Variants in CABCOCO1 observed in about 807,000 individuals in gnomAD.
CABCOCO1 encodes the protein ciliary associated calcium binding coiled-coil 1, also known as ciliary-associated calcium-binding coiled-coil protein 1.
In CABCOCO1, 28 loss-of-function variants were observed where a neutral mutation model predicts 35.7. That is an observed-to-expected ratio of 0.78 (90% confidence interval 0.58 to 1.07). CABCOCO1 has a LOEUF of 1.07. Among genes scored for constraint, CABCOCO1 ranks in the 50% least tolerant of loss-of-function variants. The pLI, the probability that CABCOCO1 is intolerant of heterozygous loss-of-function variation, is 0.00. For synonymous variants in CABCOCO1, 95 were observed against 100.1 expected (o/e 0.95, Z 0.30); for missense variants, 326 against 309.2 (o/e 1.05, Z -0.41).
At chr10:61,721,485 T>G (rs943626973) in intron 5 of CABCOCO1, among the ~76,000 whole-genome samples, 25 of 152,132 alleles carry the variant, frequency 1.6e-4, no homozygotes, top group African/African-American at 5.6e-4. Context: ...GCAGCAAATC[T>G]AACCTTTCCT....
intron 2 of CABCOCO1, among the ~76,000 whole-genome samples, chr10:61,673,334 C>T (rs1364581836): frequency 6.6e-6 from 1 of 152,158 alleles, no homozygotes; most frequent in Non-Finnish European, 1.5e-5. Flanking sequence ...TTGTCAGATA[C>T]ATCCAACAAC....
intron 5 of CABCOCO1, among the ~76,000 whole-genome samples, chr10:61,756,617 G>A (rs189688141): frequency 5.3e-5 from 8 of 152,108 alleles, no homozygotes; most frequent in African/African-American, 1.9e-4. Context: ...TATTTAGGGG[G>A]TATTTGAAAG....
At chr10:61,748,872 G>A (rs1468410120) in intron 5 of CABCOCO1, among the ~76,000 whole-genome samples, 2 of 152,158 alleles carry the variant, frequency 1.3e-5, no homozygotes, top group East Asian at 3.9e-4. Context: ...ACTTGGTACA[G>A]CTGTATAATT....
intron 5 of CABCOCO1, among the ~76,000 whole-genome samples, chr10:61,758,119 T>C (rs1841936635): frequency 6.6e-6 from 1 of 152,024 alleles, no homozygotes; most frequent in South Asian, 2.1e-4. Context: ...CTCCATTCAA[T>C]TCCTTTCTCT....
intron 2 of CABCOCO1, among the ~76,000 whole-genome samples, chr10:61,680,678 G>GTTATACATGTATAACATATATA (rs1564532762): frequency 2.9e-5 from 2 of 69,716 alleles, no homozygotes; most frequent in African/African-American, 1.2e-4. Context: ...TAACATATAT[G>GTTATACATGTATAACATATATA]TTATACATGT....
At chr10:61,762,664 C>T (rs1842031467) in intron 7 of CABCOCO1, among the ~76,000 whole-genome samples, 1 of 152,048 alleles carries the variant, frequency 6.6e-6, no homozygotes, top group African/African-American at 2.4e-5. Context: ...GGCACTTCCC[C>T]TGATAAATTG....
chr10:61,719,688 G>A (rs529646915), intron 5 of CABCOCO1, among the ~76,000 whole-genome samples: 4 of 152,182 alleles, frequency 2.6e-5, no homozygotes, highest in African/African-American at 4.8e-5. Flanking sequence ...TTGGGAGGCC[G>A]AGAGGTGGAT....
intron 5 of CABCOCO1, among the ~76,000 whole-genome samples, chr10:61,700,123 T>A (rs1840410694): frequency 6.6e-6 from 1 of 152,092 alleles, no homozygotes; most frequent in South Asian, 2.1e-4. Context: ...TTTTCTGTTA[T>A]AGAGAAACTG....
intron 5 of CABCOCO1, among the ~76,000 whole-genome samples, chr10:61,710,823 C>A (rs1840717731): frequency 6.6e-6 from 1 of 151,674 alleles, no homozygotes; most frequent in South Asian, 2.1e-4. Context: ...ATCAAGAGGA[C>A]AAGATTACAG....
chr10:61,694,547 A>C (rs1056609058), intron 5 of CABCOCO1, among the ~76,000 whole-genome samples: 1 of 151,972 alleles, frequency 6.6e-6, no homozygotes, highest in African/African-American at 2.4e-5. Flanking sequence ...CATTTCCCAT[A>C]ATGGAAGACA....
At chr10:61,738,025 CA>C (rs1034476239) in intron 5 of CABCOCO1, among the ~76,000 whole-genome samples, 11 of 144,378 alleles carry the variant, frequency 7.6e-5, no homozygotes, top group Admixed American at 1.4e-4. Context: ...AAAGCGTATA[CA>C]AAAAAACAAT....
At chr10:61,760,798 G>A (rs1240932043) in intron 6 of CABCOCO1, 65 bp from the exon 7 acceptor site, 6 of 1,498,672 alleles carry the variant, frequency 4.0e-6, no homozygotes, top group Non-Finnish European at 5.4e-6. Context: ...AGAAGTTTTA[G>A]GTTCCATATA....
At chr10:61,756,262 G>A (rs554288674) in intron 5 of CABCOCO1, among the ~76,000 whole-genome samples, 1 of 152,028 alleles carries the variant, frequency 6.6e-6, no homozygotes, top group Non-Finnish European at 1.5e-5. Context: ...CTAATGCAAT[G>A]TGCACGTAAT....
At chr10:61,665,182 TATG>T (rs1839129307) in intron 1 of CABCOCO1, among the ~76,000 whole-genome samples, 1 of 152,226 alleles carries the variant, frequency 6.6e-6, no homozygotes, top group African/African-American at 2.4e-5. Flanking sequence ...CTCAATAAAT[TATG>T]ATGACTAATT....
chr10:61,674,633 G>C (rs2131959858), intron 2 of CABCOCO1, among the ~76,000 whole-genome samples: 1 of 152,230 alleles, frequency 6.6e-6, no homozygotes, highest in East Asian at 1.9e-4. Flanking sequence ...GAAAATCATA[G>C]AGTCTACAAA....
intron 1 of CABCOCO1, among the ~76,000 whole-genome samples, chr10:61,668,685 A>G (rs1240744265): frequency 6.6e-6 from 1 of 151,940 alleles, no homozygotes; most frequent in African/African-American, 2.4e-5. Context: ...CTAAGGAATT[A>G]CCTCTTGCTT....
At chr10:61,664,368 A>G (rs1839101056) in intron 1 of CABCOCO1, among the ~76,000 whole-genome samples, 1 of 152,208 alleles carries the variant, frequency 6.6e-6, no homozygotes. Flanking sequence ...TTCCAAAAAG[A>G]CTGATCATTT....
intron 1 of CABCOCO1, among the ~76,000 whole-genome samples, chr10:61,664,462 T>G (rs890598737): frequency 1.3e-5 from 2 of 151,448 alleles, no homozygotes; most frequent in Non-Finnish European, 3.0e-5. Context: ...GGAAAAAAAA[T>G]CATTTTATAA....
chr10:61,681,144 A>AAGTT lies in CABCOCO1; in HGVS notation c.167_168insGTTA (p.Arg58ThrfsTer11), dbSNP rs2131976932. On this transcript the variant is annotated frameshift_variant and splice_region_variant, in exon 3 of 8. Coordinates refer to ENST00000648843, the MANE Select transcript of CABCOCO1 (RefSeq NM_001366906.2). LOFTEE classifies it high-confidence loss of function. Reference sequence around the variant, plus strand: ...GTGGATTTTTGTTTTATTTTACAGAAAACTGAGAATATTTTTGAATTTCAA... The same window carrying AAGTT: ...GTGGATTTTTGTTTTATTTTACAGAAAGTTAACTGAGAATATTTTTGAATTTCAA... The AAGTT allele has an allele frequency of 7.0e-7, 1 of 1,436,028 alleles. No homozygotes were observed. The highest frequency in any genetic ancestry group is 1.4e-5 in the South Asian group (1 of 73,036). 89.0% of individuals were successfully genotyped at this position (1,436,028 alleles called of 1,614,324 possible).
Sources: gnomAD v4.1 joint callset for allele counts (sites outside exome capture counted in the v4.1 genomes callset) on GRCh38, gnomAD v4.1.1 for gene constraint, MANE v1.5 for transcripts, NCBI Gene and HGNC (gene_info 2026-07-23, HGNC 2026-07-21) for gene names.